Variants in COPE observed in about 807,000 individuals in gnomAD.
The protein encoded by COPE is coatomer subunit epsilon.
Under a neutral mutation model 42.1 loss-of-function variants are expected in COPE, and 19 were observed. The observed-to-expected ratio is 0.45, with a 90% CI of 0.31 to 0.66. COPE has a LOEUF of 0.66. Ranked by LOEUF, COPE falls within the 30% of genes least tolerant of loss-of-function variation. The pLI is 0.05. For synonymous variants in COPE, 195 were observed against 181.3 expected (o/e 1.08, Z -0.60); for missense variants, 402 against 416.1 (o/e 0.97, Z 0.30).
intron 7 of COPE, among the ~76,000 whole-genome samples, chr19:18,902,193 A>C (rs2056705708): frequency 1.3e-5 from 2 of 150,962 alleles, no homozygotes; most frequent in South Asian, 4.2e-4. Context: ...AAAAAAAAAA[A>C]AAAAAATCCA....
chr19:18,917,623 A>T (rs1203328085), intron 1 of COPE, among the ~76,000 whole-genome samples: 1 of 151,868 alleles, frequency 6.6e-6, no homozygotes, highest in Non-Finnish European at 1.5e-5. Context: ...CCCGCCTCCC[A>T]AAGTGCTGGA....
intron 2 of COPE, among the ~76,000 whole-genome samples, 193 bp downstream of exon 2, chr19:18,912,791 C>T (rs2056822322): frequency 1.3e-5 from 2 of 151,706 alleles, no homozygotes; most frequent in East Asian, 1.9e-4. Context: ...CCTGGCCTGG[C>T]AGTCTCAGGC....
At chr19:18,906,212 CAG>C (rs1160018449) in intron 4 of COPE, 1 of 342,370 alleles carries the variant, frequency 2.9e-6, no homozygotes, top group African/African-American at 2.1e-5. Flanking sequence ...GTGTGTGAGT[CAG>C]GGTCTGGCTC....
In COPE at chr19:18,900,393, G is replaced by A. The variant is rs2056686914; in HGVS notation, c.792C>T (p.Gly264=). 6.5e-7 allele frequency: 1 copy of A among 1,548,704 alleles called. No homozygotes were observed. Among genetic ancestry groups the A allele is most frequent in the Non-Finnish European group, 8.7e-7 (1 of 1,145,712 alleles). Residue 264 remains glycine (G), a synonymous_variant, in exon 8 of 10, where the codon GGC becomes GGT. Transcript: ENST00000262812. ...GGGGGCCGCTTACCTCAGGGGGCTTGCCCAGGTGCTGGGACAGGACGATGA... is the reference window on the plus strand; with the variant it reads ...GGGGGCCGCTTACCTCAGGGGGCTTACCCAGGTGCTGGGACAGGACGATGA... ...VNLIVLSQHL[G]KPPEVTNRYL...
intron 1 of COPE, among the ~76,000 whole-genome samples, chr19:18,915,885 C>T (rs2056849811): frequency 2.0e-5 from 3 of 152,196 alleles, no homozygotes; most frequent in Admixed American, 2.0e-4. Flanking sequence ...AACCCAGAAA[C>T]GTCATGATGG....
intron 6 of COPE, 43 bp from the exon 7 acceptor site, chr19:18,903,466 C>A (rs376717636): frequency 6.4e-7 from 1 of 1,554,984 alleles, no homozygotes; most frequent in Admixed American, 1.8e-5. Context: ...CCCTGCTGCC[C>A]GGCCCTTCCC....
rs1306089220 is a variant in COPE at position 18,919,103 on chromosome 19, G to A, written c.126+120C>T. The stretch of plus-strand genomic sequence containing the variant: ...TACTCCTCACTGAACTGTGGAAGAG[G>A]TGGCCCAAAAAACGCGAGAAGAAAA... On this transcript the variant is annotated intron_variant, in intron 1 of 9. Transcript: ENST00000262812. 20 of 1,010,180 alleles carry A rather than the reference G, an allele frequency of 2.0e-5. No individual in the cohort carries two copies. In the East Asian group the frequency reaches 4.1e-4, roughly 21 times the overall value. The allele number at this position is 1,010,180 out of a possible 1,614,324, so 62.6% of individuals were successfully genotyped here. A position where few individuals can be genotyped will look rare whatever the true frequency, so the allele number is the denominator to read the frequency against.
chr19:18,903,478 C>A, intron 6 of COPE, 55 bp from the exon 7 acceptor site: 1 of 1,541,540 alleles, frequency 6.5e-7, no homozygotes, highest in African/African-American at 1.4e-5. Flanking sequence ...GCCCTTCCCC[C>A]GCCAGCCCCC....
intron 2 of COPE, among the ~76,000 whole-genome samples, chr19:18,912,484 C>G (rs967160824): frequency 6.6e-6 from 1 of 150,446 alleles, no homozygotes; most frequent in African/African-American, 2.4e-5. Flanking sequence ...ATCGGCTGGG[C>G]GCGTTGGCTC....
rs770920905 is a variant in COPE at position 18,919,285 on chromosome 19, C to T, written c.64G>A (p.Val22Ile). 3 of 1,613,878 alleles carry T rather than the reference C, an allele frequency of 1.9e-6. No homozygotes were observed. Among genetic ancestry groups the T allele is most frequent in the Admixed American group, 1.7e-5 (1 of 60,010 alleles). ...CTGCCGATGTAGAAGGCGTTCTTTA[C>T]GTCGAACAGCTCGTCTACCTCCCCG... Reference protein sequence around the residue: ...GSGEVDELFDVKNAFYIGSYQ... With the variant: ...GSGEVDELFDIKNAFYIGSYQ... Residue 22 changes from valine (V) to isoleucine (I), a missense_variant, in exon 1 of 10, where the codon GTA (valine) becomes ATA (isoleucine). Coordinates refer to ENST00000262812, the MANE Select transcript of COPE (RefSeq NM_007263.4).
At position 18,899,556 on chromosome 19, in the gene COPE, G is replaced by T. The variant is rs916349648; in HGVS notation, c.*123C>A. ...GAGTTGAGATATTTATTAACAGATG[G>T]GGGTGCTGGGGGTGGGCTCCTGCCC... On this transcript the variant is annotated 3_prime_UTR_variant, in exon 10 of 10. Coordinates refer to ENST00000262812, the MANE Select transcript of COPE (RefSeq NM_007263.4). 145 of 870,262 alleles carry T rather than the reference G, an allele frequency of 1.7e-4. 1 individual carries two copies. The highest frequency in any genetic ancestry group is 2.5e-4 in the Non-Finnish European group (137 of 537,800). The allele number at this position is 870,262 out of a possible 1,614,324, so 53.9% of individuals were successfully genotyped here. A position where few individuals can be genotyped will look rare whatever the true frequency, so the allele number is the denominator to read the frequency against.
chr19:18,911,548 C>T (rs1805380708), intron 2 of COPE, among the ~76,000 whole-genome samples: 1 of 146,164 alleles, frequency 6.8e-6, no homozygotes, highest in African/African-American at 2.7e-5. Flanking sequence ...TAGATGGTTC[C>T]TTCCCCATTT....
At chr19:18,914,249 C>CA (rs1183006624) in intron 1 of COPE, among the ~76,000 whole-genome samples, 2 of 152,136 alleles carry the variant, frequency 1.3e-5, no homozygotes, top group Non-Finnish European at 2.9e-5. Context: ...TGCAAAGAAA[C>CA]ATATTATAGG....
intron 8 of COPE, 117 bp downstream of exon 8, chr19:18,900,264 G>T: frequency 1.2e-6 from 1 of 842,952 alleles, no homozygotes. Flanking sequence ...GGTGGGCTGC[G>T]GTAGGCATAC....
At position 18,900,408 on chromosome 19, in the gene COPE, C is replaced by T. The variant is rs2056687057; in HGVS notation, c.777G>A (p.Leu259=). 1 of 1,549,184 alleles carries T rather than the reference C, an allele frequency of 6.5e-7. No homozygotes were observed. The highest frequency in any genetic ancestry group is 8.7e-7 in the Non-Finnish European group (1 of 1,146,066). The change falls in exon 8 of 10, where the codon CTG becomes CTA. Residue 259 remains leucine (L), a synonymous_variant. Transcript: ENST00000262812. The stretch of plus-strand genomic sequence containing the variant: ...CAGGGGGCTTGCCCAGGTGCTGGGA[C>T]AGGACGATGAGGTTGACCAGCGTCT... The part of the protein sequence containing the change: ...YPETLVNLIV[L]SQHLGKPPEV...
chr19:18,905,026 C>A (rs74936637), intron 5 of COPE, among the ~76,000 whole-genome samples, 174 bp from the exon 6 acceptor site: 1 of 152,214 alleles, frequency 6.6e-6, no homozygotes, highest in South Asian at 2.1e-4. Flanking sequence ...CGTCTGACCA[C>A]GTGCAGGCCC....
At chr19:18,903,562 G>T in intron 6 of COPE, 139 bp from the exon 7 acceptor site, 2 of 1,021,168 alleles carry the variant, frequency 2.0e-6, no homozygotes, top group Non-Finnish European at 2.7e-6. Flanking sequence ...CAGCCACTCC[G>T]CCATGGGGAC....
rs1291573844 is a variant in COPE, at chr19:18,900,371, G to A, written c.804+10C>T. 20 of 1,546,712 alleles carry A rather than the reference G, an allele frequency of 1.3e-5. No homozygotes were observed. The highest frequency in any genetic ancestry group is 4.9e-5 in the East Asian group (2 of 40,838). On this transcript the variant is annotated intron_variant, in intron 8 of 9. Transcript: ENST00000262812. Reference sequence around the variant, plus strand: ...ATTAGGGTTGGCCTGGAGCCCTGGGGGCCGCTTACCTCAGGGGGCTTGCCC... The same window carrying A: ...ATTAGGGTTGGCCTGGAGCCCTGGGAGCCGCTTACCTCAGGGGGCTTGCCC...
At chr19:18,911,302 G>T (rs1341781066) in intron 2 of COPE, 3 of 555,526 alleles carry the variant, frequency 5.4e-6, no homozygotes, top group Non-Finnish European at 9.8e-6. Context: ...CCTTGAGCTA[G>T]GGACCCTGGT....
Sources: gnomAD v4.1 joint callset for allele counts (sites outside exome capture counted in the v4.1 genomes callset) on GRCh38, gnomAD v4.1.1 for gene constraint, MANE v1.5 for transcripts, NCBI Gene and HGNC (gene_info 2026-07-23, HGNC 2026-07-21) for gene names.